The following RIMS2 variants were observed in gnomAD, a reference collection of about 807,000 sequenced individuals.
RIMS2 encodes regulating synaptic membrane exocytosis protein 2.
In RIMS2, 59 loss-of-function variants were observed where a neutral mutation model predicts 174.4. That is an observed-to-expected ratio of 0.34 (90% CI 0.27 to 0.42). RIMS2 has a LOEUF of 0.42. RIMS2 is among the 10% of genes least tolerant of loss of function. The pLI is 1.00. For missense variants in RIMS2, 1,620 were observed against 1,666.3 expected (o/e 0.97, Z 0.48); for synonymous variants, 606 against 572.5 (o/e 1.06, Z -0.84).
At chr8:103,759,295 G>T (rs1256411516) in intron 2 of RIMS2, among the ~76,000 whole-genome samples, 2 of 152,124 alleles carry the variant, frequency 1.3e-5, no homozygotes, top group Non-Finnish European at 1.5e-5. Context: ...GACAGGTGTG[G>T]TGGCTCACGC....
chr8:103,945,278 G>A (rs2083449748), intron 14 of RIMS2, among the ~76,000 whole-genome samples: 1 of 152,000 alleles, frequency 6.6e-6, no homozygotes, highest in Non-Finnish European at 1.5e-5. Flanking sequence ...CCTGTAATAA[G>A]TAAAGAAGTT....
intron 2 of RIMS2, among the ~76,000 whole-genome samples, chr8:103,747,289 G>A (rs1591549172): frequency 7.9e-6 from 1 of 127,188 alleles, no homozygotes; most frequent in African/African-American, 3.1e-5. Flanking sequence ...TCCCCTTCCT[G>A]TGTCCAAGTG....
At chr8:104,149,470 C>T (rs180829460) in intron 19 of RIMS2, among the ~76,000 whole-genome samples, 1 of 152,322 alleles carries the variant, frequency 6.6e-6, no homozygotes. Context: ...TGCTAAATCA[C>T]ATCTGCAAAA....
At chr8:103,759,206 G>T (rs2098076176) in intron 2 of RIMS2, among the ~76,000 whole-genome samples, 1 of 152,086 alleles carries the variant, frequency 6.6e-6, no homozygotes, top group African/African-American at 2.4e-5. Flanking sequence ...CACCCTTCGG[G>T]ATGCCCTAGC....
At chr8:103,898,750 T>C (rs2099308879) in intron 4 of RIMS2, among the ~76,000 whole-genome samples, 1 of 151,460 alleles carries the variant, frequency 6.6e-6, no homozygotes, top group Admixed American at 6.6e-5. Flanking sequence ...ATACTTTAAG[T>C]TCTAGGGTAC....
At chr8:104,137,553 A>G (rs2098531385) in intron 19 of RIMS2, among the ~76,000 whole-genome samples, 1 of 152,240 alleles carries the variant, frequency 6.6e-6, no homozygotes, top group Non-Finnish European at 1.5e-5. Flanking sequence ...TTCATTATAT[A>G]TTACAATCAT....
intron 20 of RIMS2, among the ~76,000 whole-genome samples, chr8:104,246,471 A>C (rs2099330829): frequency 6.6e-6 from 1 of 152,198 alleles, no homozygotes; most frequent in South Asian, 2.1e-4. Context: ...CCATCTCCCC[A>C]AAAATAAAAT....
At chr8:104,171,204 G>A (rs187498196) in intron 19 of RIMS2, among the ~76,000 whole-genome samples, 2 of 152,208 alleles carry the variant, frequency 1.3e-5, no homozygotes, top group Non-Finnish European at 2.9e-5. Context: ...GGCCAAGGAA[G>A]TTTTCCTCAA....
intron 19 of RIMS2, among the ~76,000 whole-genome samples, chr8:104,102,265 C>G (rs1236320971): frequency 1.3e-5 from 2 of 152,108 alleles, no homozygotes; most frequent in Non-Finnish European, 2.9e-5. Flanking sequence ...ACTTACTCCT[C>G]CTTCTATACA....
intron 19 of RIMS2, among the ~76,000 whole-genome samples, chr8:104,210,647 C>A (rs1360573983): frequency 6.6e-6 from 1 of 152,188 alleles, no homozygotes; most frequent in African/African-American, 2.4e-5. Flanking sequence ...ATTCAGAAGG[C>A]ACATCCGTGT....
At position 103,716,322 on chromosome 8, in the gene RIMS2, T is replaced by C. The variant is rs2097367607; in HGVS notation, c.387+19026T>C. The C allele has an allele frequency of 6.6e-6, 1 of 152,008 alleles. No individual in the cohort carries two copies. Among genetic ancestry groups the C allele is most frequent in the African/African-American group, 2.4e-5 (1 of 41,434 alleles). The allele number at this position is 152,008 out of a possible 1,614,324, so 9.4% of individuals were successfully genotyped here. ...TATTCACTCCAGGAGGACAAAGTGG[T>C]TAGAGTCTTTTTTTCTGTCTAATAT... On this transcript the variant is annotated intron_variant, in intron 2 of 23. Transcript: ENST00000504942.
intron 19 of RIMS2, among the ~76,000 whole-genome samples, chr8:104,220,838 C>T (rs2099151549): frequency 6.6e-6 from 1 of 152,140 alleles, no homozygotes; most frequent in South Asian, 2.1e-4. Context: ...AACTTCTGAG[C>T]TCAAGTGATC....
chr8:104,019,322 A>T (rs989383448), intron 19 of RIMS2, among the ~76,000 whole-genome samples: 3 of 152,218 alleles, frequency 2.0e-5, no homozygotes, highest in Admixed American at 6.5e-5. Flanking sequence ...ATCAAGTTTA[A>T]TTGTAACTTT....
At chr8:104,014,991 G>A (rs2095862015) in intron 19 of RIMS2, among the ~76,000 whole-genome samples, 1 of 152,102 alleles carries the variant, frequency 6.6e-6, no homozygotes, top group African/African-American at 2.4e-5. Context: ...GCAAAGGACT[G>A]GTTAGCTGAT....
intron 15 of RIMS2, among the ~76,000 whole-genome samples, chr8:103,973,950 A>G (rs1411496992): frequency 6.6e-6 from 1 of 152,158 alleles, no homozygotes; most frequent in Non-Finnish European, 1.5e-5. Context: ...CTCATCCATG[A>G]GGTTAAACAC....
chr8:103,670,006 G>A (rs1336715694), intron 1 of RIMS2, among the ~76,000 whole-genome samples: 1 of 152,196 alleles, frequency 6.6e-6, no homozygotes, highest in Non-Finnish European at 1.5e-5. Flanking sequence ...AGGTTCTTAT[G>A]AGGGCCCTGC....
intron 19 of RIMS2, among the ~76,000 whole-genome samples, chr8:104,118,621 G>A (rs1007644403): frequency 2.6e-5 from 4 of 151,834 alleles, no homozygotes; most frequent in Non-Finnish European, 4.4e-5. Context: ...TGCCTGCCTC[G>A]GCCTCCCAAA....
chr8:104,219,672 A>C (rs2099146569), intron 19 of RIMS2, among the ~76,000 whole-genome samples: 1 of 152,126 alleles, frequency 6.6e-6, no homozygotes. Flanking sequence ...TTTAGATGAC[A>C]ATTTATTGTG....
At chr8:103,562,059 C>T (rs543186763) in intron 1 of RIMS2, among the ~76,000 whole-genome samples, 18 of 152,300 alleles carry the variant, frequency 1.2e-4, no homozygotes, top group East Asian at 7.7e-4. Flanking sequence ...CACTGAATCC[C>T]TCCCACAACA....
Sources: allele counts gnomAD v4.1 joint callset (sites outside exome capture counted in the v4.1 genomes callset), GRCh38; gene constraint gnomAD v4.1.1; transcripts MANE v1.5; gene names NCBI Gene and HGNC (gene_info 2026-07-23, HGNC 2026-07-21).